Variants in ACYP2 observed in about 807,000 individuals in gnomAD.
ACYP2 encodes acylphosphatase-2.
ACYP2 carries 12 observed loss-of-function variants against 11.2 expected under a neutral mutation model. That is an observed-to-expected ratio of 1.08 (90% CI 0.69 to 1.74). The LOEUF (loss-of-function observed/expected upper bound fraction) is 1.74. ACYP2 is among the 40% of genes most tolerant of loss of function. ACYP2 has a pLI of 0.00. For synonymous variants in ACYP2, 43 were observed against 32.2 expected (o/e 1.33, Z -1.13); for missense variants, 134 against 101.9 (o/e 1.31, Z -1.35).
intron 2 of ACYP2, among the ~76,000 whole-genome samples, chr2:54,035,009 C>CAAAAAAAAAAAAAAAAA (rs550142135): frequency 0.014 from 634 of 44,742 alleles, 110 homozygotes; most frequent in Non-Finnish European, 0.024. Flanking sequence ...GACTACATCT[C>CAAAAAAAAAAAAAAAAA]AAAAAAAAAA....
At chr2:54,108,161 T>C (rs1309401025) in intron 4 of ACYP2, among the ~76,000 whole-genome samples, 3 of 152,240 alleles carry the variant, frequency 2.0e-5, no homozygotes, top group African/African-American at 7.2e-5. Context: ...CAGCAGCAGA[T>C]GGCCCCTGCC....
rs532744057 is a variant in ACYP2, at chr2:54,041,091, CTCTT to C, written c.63-9849_63-9846del. On this transcript the variant is annotated intron_variant, in intron 2 of 6. Coordinates refer to ENST00000607452, the MANE Select transcript of ACYP2 (RefSeq NM_001320586.2). Reference sequence around the variant, plus strand: ...TTTTTTCTTTTCTTTTCCTCTCTCTCTCTTTCTTTCTTTCTTTCTTTTTTTTTGT... The same window carrying C: ...TTTTTTCTTTTCTTTTCCTCTCTCTCTCTTTCTTTCTTTCTTTTTTTTTGT... Among the ~76,000 whole-genome samples the C allele has an allele frequency of 3.5e-3, 454 of 129,172 alleles. 1 individual carries two copies. The highest frequency in any genetic ancestry group is 4.3e-3 in the Non-Finnish European group (264 of 61,930). The allele number at this position is 129,172 out of a possible 152,430, so 84.7% of individuals were successfully genotyped here.
At chr2:54,190,439 C>A (rs1036338823) in intron 6 of ACYP2, among the ~76,000 whole-genome samples, 3 of 152,060 alleles carry the variant, frequency 2.0e-5, no homozygotes, top group African/African-American at 7.2e-5. Context: ...ACTAATCCAC[C>A]GATACTGCTC....
chr2:54,290,161 C>T (rs1046856864), intron 6 of ACYP2, among the ~76,000 whole-genome samples: 1 of 152,082 alleles, frequency 6.6e-6, no homozygotes, highest in African/African-American at 2.4e-5. Flanking sequence ...AGGTCGGAGC[C>T]GGTGGGTGCC....
intron 2 of ACYP2, among the ~76,000 whole-genome samples, chr2:53,974,983 G>A (rs1004383041): frequency 1.3e-5 from 2 of 152,134 alleles, no homozygotes; most frequent in East Asian, 1.9e-4. Flanking sequence ...CTGAGCAAGG[G>A]ATCTAGAAGA....
intron 2 of ACYP2, among the ~76,000 whole-genome samples, chr2:53,978,348 C>G (rs183760775): frequency 2.6e-4 from 40 of 151,902 alleles, no homozygotes; most frequent in African/African-American, 9.2e-4. Flanking sequence ...TGATTAAGAG[C>G]TTTCTTAGAG....
At chr2:54,247,162 C>G (rs993355678) in intron 6 of ACYP2, among the ~76,000 whole-genome samples, 3 of 152,184 alleles carry the variant, frequency 2.0e-5, no homozygotes, top group African/African-American at 7.2e-5. Context: ...CATTATTTCT[C>G]TTCCTTTGTG....
At chr2:54,057,522 T>A (rs1676221412) in intron 4 of ACYP2, among the ~76,000 whole-genome samples, 1 of 152,212 alleles carries the variant, frequency 6.6e-6, no homozygotes. Flanking sequence ...ATTGAGTCTA[T>A]GTTTGATTGA....
At chr2:54,169,209 T>C (rs80027923) in intron 6 of ACYP2, among the ~76,000 whole-genome samples, 3,554 of 152,278 alleles carry the variant, frequency 0.023, 121 homozygotes, top group African/African-American at 0.076. Context: ...CCAGGGCTAA[T>C]TAGCATGTGT....
chr2:54,194,349 A>G (rs1257317912), intron 6 of ACYP2, among the ~76,000 whole-genome samples: 2 of 151,992 alleles, frequency 1.3e-5, no homozygotes, highest in Admixed American at 6.6e-5. Context: ...CCCCATCAAC[A>G]TTTTCTTTTG....
At chr2:53,994,729 A>T (rs1304009540) in intron 2 of ACYP2, among the ~76,000 whole-genome samples, 1 of 152,164 alleles carries the variant, frequency 6.6e-6, no homozygotes, top group African/African-American at 2.4e-5. Flanking sequence ...CTACTATAGG[A>T]TAGCAATTTT....
intron 1 of ACYP2, among the ~76,000 whole-genome samples, chr2:53,972,920 C>G (rs559738505): frequency 1.3e-5 from 2 of 152,270 alleles, no homozygotes; most frequent in Admixed American, 1.3e-4. Context: ...GTGATCTAAA[C>G]TGAGATGCAG....
chr2:54,171,467 T>C (rs1169554069), intron 6 of ACYP2, among the ~76,000 whole-genome samples: 2 of 152,234 alleles, frequency 1.3e-5, no homozygotes, highest in Non-Finnish European at 2.9e-5. Flanking sequence ...CAAAAAGTTA[T>C]GTCCACAAAT....
chr2:54,297,544 T>A (rs1170484815), intron 6 of ACYP2, among the ~76,000 whole-genome samples: 1 of 151,968 alleles, frequency 6.6e-6, no homozygotes, highest in East Asian at 1.9e-4. Flanking sequence ...GTCCAGCCAA[T>A]GTGATAAAAT....
intron 2 of ACYP2, among the ~76,000 whole-genome samples, chr2:53,982,948 A>G (rs573360452): frequency 6.6e-6 from 1 of 152,014 alleles, no homozygotes; most frequent in African/African-American, 2.4e-5. Context: ...AGCATGAAAT[A>G]TTCCTTTTCG....
intron 6 of ACYP2, among the ~76,000 whole-genome samples, chr2:54,219,909 T>A (rs867942220): frequency 4.9e-4 from 62 of 126,000 alleles, no homozygotes; most frequent in African/African-American, 1.5e-3. Context: ...ATATATATTT[T>A]TTTTTTTTTT....
intron 2 of ACYP2, among the ~76,000 whole-genome samples, chr2:54,002,538 G>T (rs544728937): frequency 8.6e-5 from 13 of 151,570 alleles, no homozygotes; most frequent in South Asian, 4.2e-4. Context: ...TAGAGACGAG[G>T]GACAGGGTTT....
In ACYP2 at chr2:54,014,715, TAAA is replaced by T. The variant is rs112173883; in HGVS notation, c.63-36242_63-36240del. On this transcript the variant is annotated intron_variant, in intron 2 of 6. Coordinates refer to ENST00000607452, the MANE Select transcript of ACYP2 (RefSeq NM_001320586.2). ...CAAATAAATGAGCAAACTATAATAATAAATTTGTAAAAAAAAAATTTTTTTTCT... is the reference window on the plus strand; with the variant it reads ...CAAATAAATGAGCAAACTATAATAATTTTGTAAAAAAAAAATTTTTTTTCT... 1.9e-4 allele frequency among the ~76,000 whole-genome samples: 29 copies of T among 152,196 alleles called. 1 individual carries two copies. Among genetic ancestry groups the T allele is most frequent in the African/African-American group, 6.7e-4 (28 of 41,536 alleles).
Position 54,245,413 on chromosome 2 carries a change from G to C in ACYP2, c.405-59275G>C, listed in dbSNP as rs548283059. On this transcript the variant is annotated intron_variant, in intron 6 of 6. Transcript: ENST00000607452. ...ATAAATGCTGAGTAGTGGGATTGTT[G>C]GTTCATATGGCAGTTCCATTTGCAG... Among the ~76,000 whole-genome samples, 33 of 152,268 alleles carry C rather than the reference G, an allele frequency of 2.2e-4. No individual in the cohort carries two copies. The South Asian group carries it at 6.8e-3, about 32-fold the overall frequency.
Sources: gnomAD v4.1 joint callset for allele counts (sites outside exome capture counted in the v4.1 genomes callset) on GRCh38, gnomAD v4.1.1 for gene constraint, MANE v1.5 for transcripts, NCBI Gene and HGNC (gene_info 2026-07-23, HGNC 2026-07-21) for gene names.